The following PRKACB variants were observed in gnomAD, a reference collection of about 807,000 sequenced individuals.
PRKACB encodes the protein protein kinase cAMP-activated catalytic subunit beta.
A neutral mutation model predicts 51.4 loss-of-function variants in PRKACB; 16 were observed. That is an observed-to-expected ratio of 0.31 (90% CI 0.21 to 0.47). The LOEUF is 0.47. Among genes scored for constraint, PRKACB ranks in the 20% least tolerant of loss-of-function variants. The probability of loss-of-function intolerance (pLI) is 1.00; values close to 1 mark genes in which losing one functional copy is unlikely to be tolerated. For synonymous variants in PRKACB, 147 were observed against 154.4 expected (o/e 0.95, Z 0.35); for missense variants, 309 against 464.5 (o/e 0.67, Z 3.08).
chr1:84,167,152 A>G (rs193196121), intron 1 of PRKACB, among the ~76,000 whole-genome samples: 1 of 151,702 alleles, frequency 6.6e-6, no homozygotes, highest in East Asian at 1.9e-4. Flanking sequence ...TCTCAATCCT[A>G]TTATAATAAC....
At chr1:84,144,605 G>A in intron 1 of PRKACB, 57 bp downstream of exon 1, 1 of 1,472,406 alleles carries the variant, frequency 6.8e-7, no homozygotes. Context: ...GGTAATTGGA[G>A]TTTTACAATC....
rs1219631878 is a variant in PRKACB, at chr1:84,237,393, G to A, written c.*2088G>A. On this transcript the variant is annotated 3_prime_UTR_variant, in exon 10 of 10. Transcript: ENST00000370685. ...ATGACAATTTGATTATTACAATTTA[G>A]TTTTCAGTAATCAAAAAGATTTCTA... 6.6e-6 allele frequency: 1 copy of A among 152,392 alleles called. No homozygotes were observed. Among genetic ancestry groups the A allele is most frequent in the Admixed American group, 6.6e-5 (1 of 15,262 alleles). 9.4% of individuals were successfully genotyped at this position (152,392 alleles called of 1,614,324 possible).
intron 9 of PRKACB, among the ~76,000 whole-genome samples, chr1:84,222,707 C>T (rs918118122): frequency 1.3e-5 from 2 of 152,164 alleles, no homozygotes; most frequent in Non-Finnish European, 2.9e-5. Context: ...TGGTAATTCC[C>T]TCAGTTTTTG....
At chr1:84,143,676 C>T (rs1321439473), upstream of PRKACB, among the ~76,000 whole-genome samples, 16 of 152,090 alleles carry the variant, frequency 1.1e-4, no homozygotes, top group Non-Finnish European at 1.9e-4. Flanking sequence ...TGGTAATAGA[C>T]ATATGTCAGC....
At chr1:84,176,444 A>G (rs1661285143) in intron 1 of PRKACB, among the ~76,000 whole-genome samples, 1 of 151,886 alleles carries the variant, frequency 6.6e-6, no homozygotes, top group Admixed American at 6.6e-5. Context: ...AGGGTTACAC[A>G]TAATCCAATA....
chr1:84,192,156 G>T (rs953709135), intron 5 of PRKACB, among the ~76,000 whole-genome samples: 1 of 151,972 alleles, frequency 6.6e-6, no homozygotes, highest in African/African-American at 2.4e-5. Context: ...CTAACAAAAT[G>T]GGATGAGGCT....
chr1:84,236,359 A>G lies in PRKACB; in HGVS notation c.*1054A>G, dbSNP rs1009443390. On this transcript the variant is annotated 3_prime_UTR_variant, in exon 10 of 10. Coordinates refer to ENST00000370685, the MANE Select transcript of PRKACB (RefSeq NM_182948.4). ...TATTCATATTTAAATGAGGGTTTAC[A>G]TTTGTTTTGTTTTGTAACCGTTAAA... 2.6e-5 allele frequency: 4 copies of G among 152,568 alleles called. No individual in the cohort carries two copies. Among genetic ancestry groups the G allele is most frequent in the African/African-American group, 7.2e-5 (3 of 41,450 alleles). The allele number at this position is 152,568 out of a possible 1,614,324, so 9.5% of individuals were successfully genotyped here.
At chr1:84,203,281 CAG>C (rs1670654466) in intron 8 of PRKACB, among the ~76,000 whole-genome samples, 2 of 152,058 alleles carry the variant, frequency 1.3e-5, no homozygotes, top group East Asian at 3.9e-4. Flanking sequence ...TTGATTTTAA[CAG>C]AATTGTTCAT....
At chr1:84,112,522 C>A (rs569926193) in intron 1 of PRKACB, among the ~76,000 whole-genome samples, 21 of 152,142 alleles carry the variant, frequency 1.4e-4, no homozygotes, top group Non-Finnish European at 2.2e-4. Flanking sequence ...CAGGCGTGAG[C>A]CAACATACCT....
intron 7 of PRKACB, among the ~76,000 whole-genome samples, chr1:84,200,236 G>A (rs570564286): frequency 6.6e-6 from 1 of 152,076 alleles, no homozygotes. Flanking sequence ...TCTAATGATC[G>A]GTGATATTGA....
intron 1 of PRKACB, among the ~76,000 whole-genome samples, chr1:84,091,897 C>T (rs1250216336): frequency 6.6e-6 from 1 of 152,034 alleles, no homozygotes; most frequent in Non-Finnish European, 1.5e-5. Flanking sequence ...CATCAGTGAC[C>T]CAAAAATCTT....
intron 5 of PRKACB, among the ~76,000 whole-genome samples, chr1:84,186,071 C>A (rs1664999412): frequency 6.6e-6 from 1 of 152,174 alleles, no homozygotes; most frequent in East Asian, 1.9e-4. Flanking sequence ...GGGGAGCTGG[C>A]AAGCTCTGAT....
chr1:84,154,494 G>T (rs1374601744), intron 1 of PRKACB, among the ~76,000 whole-genome samples: 2 of 152,040 alleles, frequency 1.3e-5, no homozygotes, highest in African/African-American at 2.4e-5. Flanking sequence ...ATTTAACAAA[G>T]AATTAATGCC....
intron 1 of PRKACB, among the ~76,000 whole-genome samples, chr1:84,114,080 G>C (rs1245720370): frequency 6.6e-6 from 1 of 152,060 alleles, no homozygotes; most frequent in Non-Finnish European, 1.5e-5. Flanking sequence ...TTGTAGGAAG[G>C]ATAGCTGGAA....
At position 84,086,663 on chromosome 1, in the gene PRKACB, ACT is replaced by A. The variant is rs1340757492; in HGVS notation, c.46+8298_46+8299del. 9.9e-5 allele frequency among the ~76,000 whole-genome samples: 15 copies of A among 152,018 alleles called. 1 individual carries two copies. In the South Asian group the frequency reaches 2.3e-3, roughly 23 times the overall value. Reference sequence around the variant, plus strand: ...CCCAAACTAGTGAGAATAATTTATAACTCTCTCGGTTTTTGTAGGTCTGTAAT... The same window carrying A: ...CCCAAACTAGTGAGAATAATTTATAACTCTCGGTTTTTGTAGGTCTGTAAT... On this transcript the variant is annotated intron_variant, in intron 1 of 8. Coordinates refer to the PRKACB transcript ENST00000370688.
intron 1 of PRKACB, among the ~76,000 whole-genome samples, chr1:84,114,484 A>G (rs914623520): frequency 2.0e-5 from 3 of 152,012 alleles, no homozygotes; most frequent in African/African-American, 7.2e-5. Context: ...ATTTTTACAA[A>G]TGTATGGTGT....
At chr1:84,097,616 T>C (rs1191882911) in intron 1 of PRKACB, among the ~76,000 whole-genome samples, 1 of 152,028 alleles carries the variant, frequency 6.6e-6, no homozygotes, top group Non-Finnish European at 1.5e-5. Flanking sequence ...AGTCATATAA[T>C]CAAGTTGGGG....
intron 1 of PRKACB, among the ~76,000 whole-genome samples, chr1:84,127,363 A>G (rs1242264917): frequency 1.3e-5 from 2 of 152,192 alleles, no homozygotes; most frequent in Non-Finnish European, 2.9e-5. Flanking sequence ...TACGACATTG[A>G]GCTAAAGCAT....
chr1:84,157,122 G>A (rs1381985355), intron 1 of PRKACB, among the ~76,000 whole-genome samples: 1 of 152,176 alleles, frequency 6.6e-6, no homozygotes, highest in Non-Finnish European at 1.5e-5. Context: ...GAGTCTAGGA[G>A]TTGATCCCTT....
Sources: gnomAD v4.1 joint callset for allele counts (sites outside exome capture counted in the v4.1 genomes callset) on GRCh38, gnomAD v4.1.1 for gene constraint, MANE v1.5 for transcripts, NCBI Gene and HGNC (gene_info 2026-07-23, HGNC 2026-07-21) for gene names.